Variants in LRRC43 observed in about 807,000 individuals in gnomAD.
LRRC43 encodes leucine-rich repeat-containing protein 43.
A neutral mutation model predicts 64.3 loss-of-function variants in LRRC43; 62 were observed. The ratio of observed to expected loss-of-function variants is 0.96; its 90% CI spans 0.79 to 1.19. The LOEUF (loss-of-function observed/expected upper bound fraction) is 1.19, where lower values mean the gene tolerates loss of function less well. Among genes scored for constraint, LRRC43 ranks in the 50% most tolerant of loss-of-function variants. LRRC43 has a pLI of 0.00. For synonymous variants in LRRC43, 422 were observed against 382.3 expected, an observed-to-expected ratio of 1.10 and a Z score of -1.21; for missense variants, 868 against 845.0, an observed-to-expected ratio of 1.03 and a Z score of -0.34.
In LRRC43 at chr12:122,200,184, C is replaced by T. The variant is rs940026716; in HGVS notation, c.1350-5C>T. 1.2e-6 allele frequency: 2 copies of T among 1,612,650 alleles called. No homozygotes were observed. The highest frequency in any genetic ancestry group is 1.7e-6 in the Non-Finnish European group (2 of 1,179,282). ...CACCCCCGTCTTCATCCCTCCCTCC[C>T]CAAGGACTGTCCTCTTCAGCACTGC... is the stretch of plus-strand genomic sequence containing the variant. On this transcript the variant is annotated splice_region_variant and splice_polypyrimidine_tract_variant and intron_variant, in intron 7 of 11. Transcript: ENST00000339777. The surrounding 1 kb of genome is among the most constrained non-coding windows in gnomAD (Gnocchi z 4.6).
intron 1 of LRRC43, among the ~76,000 whole-genome samples, chr12:122,169,582 G>A (rs901103832): frequency 1.3e-5 from 2 of 151,856 alleles, no homozygotes; most frequent in Non-Finnish European, 2.9e-5. Context: ...CGGGCGTGGT[G>A]GCGGGCGCCT....
At chr12:122,189,709 C>CCCACTCCTGCCCTGT (rs895142697) in intron 4 of LRRC43, among the ~76,000 whole-genome samples, 29 of 152,300 alleles carry the variant, frequency 1.9e-4, no homozygotes, top group South Asian at 8.3e-4. Flanking sequence ...CAGCATCAAC[C>CCCACTCCTGCCCTGT]CCACTCCTGC....
intron 5 of LRRC43, among the ~76,000 whole-genome samples, chr12:122,191,144 A>G (rs1367348106): frequency 6.6e-6 from 1 of 152,142 alleles, no homozygotes; most frequent in Non-Finnish European, 1.5e-5. Flanking sequence ...CCTGCAGAGT[A>G]GCCCTTATCA....
At chr12:122,177,341 A>C (rs57101087) in intron 1 of LRRC43, among the ~76,000 whole-genome samples, 6,839 of 152,126 alleles carry the variant, frequency 0.045, 231 homozygotes, top group African/African-American at 0.099. Flanking sequence ...ATAACCACTG[A>C]GCTTGGAAGA....
intron 1 of LRRC43, among the ~76,000 whole-genome samples, chr12:122,174,716 G>C (rs1054950922): frequency 2.0e-5 from 3 of 152,134 alleles, no homozygotes; most frequent in Non-Finnish European, 4.4e-5. Flanking sequence ...CGGGTCGAAG[G>C]CTTCATCTCA....
intron 7 of LRRC43, among the ~76,000 whole-genome samples, chr12:122,193,549 C>G (rs1398600633): frequency 1.3e-5 from 2 of 152,086 alleles, no homozygotes; most frequent in African/African-American, 4.8e-5. Context: ...CCTGACCAGC[C>G]AAGATTTTCG....
rs778877567 is a variant in LRRC43 at position 122,172,524 on chromosome 12, G to A, written c.-406+4742G>A. On this transcript the variant is annotated intron_variant, in intron 1 of 5. Coordinates refer to the LRRC43 transcript ENST00000537729. The stretch of plus-strand genomic sequence containing the variant: ...GAAGCGTTTACATTCATGGGTGTCT[G>A]TTGGCACAGAAATGTTTGTTTCTGG... The A allele has an allele frequency of 6.8e-6, 11 of 1,614,046 alleles. No individual in the cohort carries two copies. Among genetic ancestry groups the A allele is most frequent in the Non-Finnish European group, 9.3e-6 (11 of 1,179,974 alleles).
At chr12:122,190,444 G>A in intron 5 of LRRC43, 76 bp downstream of exon 5, 1 of 1,205,144 alleles carries the variant, frequency 8.3e-7, no homozygotes, top group Admixed American at 1.8e-5. Context: ...CGCCCTCCTG[G>A]GTCCGTGTAC....
intron 6 of LRRC43, among the ~76,000 whole-genome samples, chr12:122,192,374 G>T (rs1197214089): frequency 6.6e-6 from 1 of 150,986 alleles, no homozygotes; most frequent in African/African-American, 2.4e-5. Context: ...CTGACCTCGT[G>T]ATCCGCCTGC....
chr12:122,187,749 GCCCA>G lies in LRRC43; in HGVS notation c.579_582del (p.Gly196CysfsTer6), dbSNP rs1484654434. 6.2e-7 allele frequency: 1 copy of G among 1,614,022 alleles called. No individual in the cohort carries two copies. The highest frequency in any genetic ancestry group is 1.7e-5 in the Admixed American group (1 of 60,018). ...GATCAGCAGCATGGAGTGTCTGTGT[GCCCA>G]CCCACCCGCCGGCCTGCAGCACTTG... On this transcript the variant is annotated frameshift_variant, in exon 4 of 12. Coordinates refer to ENST00000339777, the MANE Select transcript of LRRC43 (RefSeq NM_001098519.2). LOFTEE classifies it high-confidence loss of function.
upstream of LRRC43, among the ~76,000 whole-genome samples, chr12:122,181,897 C>T (rs118188550): frequency 0.048 from 7,230 of 151,658 alleles, 212 homozygotes; most frequent in Non-Finnish European, 0.071. Flanking sequence ...TGAGCCATCG[C>T]GCCCAGCCTA....
intron 4 of LRRC43, chr12:122,189,540 C>T (rs1953688741): frequency 4.4e-6 from 2 of 456,032 alleles, no homozygotes; most frequent in Non-Finnish European, 8.8e-6. Flanking sequence ...TGCCCCTGCC[C>T]TGTGTCTTGG....
Position 122,172,596 on chromosome 12 carries a change from A to G in LRRC43, c.-406+4814A>G, listed in dbSNP as rs1308576486. 1 of 1,614,068 alleles carries G rather than the reference A, an allele frequency of 6.2e-7. No individual in the cohort carries two copies. Among genetic ancestry groups the G allele is most frequent in the Non-Finnish European group, 8.5e-7 (1 of 1,180,032 alleles). ...GTCGAGGTGCTCTATGATCTCATCA[A>G]TAACAGATTTGTTGTCTAGCTGTCT... is the stretch of plus-strand genomic sequence containing the variant. On this transcript the variant is annotated intron_variant, in intron 1 of 5. Transcript: ENST00000537729.
In LRRC43 at chr12:122,187,724, G is replaced by C; in HGVS notation, c.546G>C (p.Glu182Asp). ...TLKVLELYGN[E>D]ISSMECLCAH... ...AGGTGCTGGAGCTCTACGGCAATGA[G>C]ATCAGCAGCATGGAGTGTCTGTGTG... Residue 182 changes from glutamate (E) to aspartate (D), a missense_variant, in exon 4 of 12, where the codon GAG (glutamate) becomes GAC (aspartate). Physicochemically the swap from Glu to Asp is conservative, Grantham distance 45. Coordinates refer to ENST00000339777, the MANE Select transcript of LRRC43 (RefSeq NM_001098519.2). 1.2e-6 allele frequency: 2 copies of C among 1,613,914 alleles called. No homozygotes were observed. The highest frequency in any genetic ancestry group is 1.7e-6 in the Non-Finnish European group (2 of 1,180,036).
chr12:122,186,849 G>A (rs756371775), intron 3 of LRRC43, among the ~76,000 whole-genome samples: 1 of 152,180 alleles, frequency 6.6e-6, no homozygotes, highest in Non-Finnish European at 1.5e-5. Flanking sequence ...AACCCAGGAG[G>A]CAAGGGTTGC....
chr12:122,171,416 G>C (rs1251367566), intron 1 of LRRC43, among the ~76,000 whole-genome samples: 3 of 152,196 alleles, frequency 2.0e-5, no homozygotes, highest in Non-Finnish European at 2.9e-5. Context: ...TCTCTGGAGT[G>C]AGTGGTGCTG....
At chr12:122,192,206 C>T (rs1473663885) in intron 6 of LRRC43, among the ~76,000 whole-genome samples, 5 of 152,116 alleles carry the variant, frequency 3.3e-5, no homozygotes, top group Admixed American at 6.5e-5. Context: ...GGCGCAATCT[C>T]GGCTGACTGC....
In LRRC43 at chr12:122,184,661, T is replaced by C; in HGVS notation, c.293T>C (p.Leu98Pro). 6.2e-7 allele frequency: 1 copy of C among 1,614,014 alleles called. No individual in the cohort carries two copies. The highest frequency in any genetic ancestry group is 1.3e-5 in the African/African-American group (1 of 75,046). ...VRSRHSPWAL[L>P]NNSNAEDSFL... Reference sequence around the variant, plus strand: ...AGCCGCCACTCCCCCTGGGCTCTGCTGAACAACTCGAATGCAGAAGACAGT... The same window carrying C: ...AGCCGCCACTCCCCCTGGGCTCTGCCGAACAACTCGAATGCAGAAGACAGT... The change falls in exon 2 of 12, where the codon CTG becomes CCG. Residue 98 changes from leucine (L) to proline (P), a missense_variant. Transcript: ENST00000339777. The surrounding 1 kb of genome is among the most constrained non-coding windows in gnomAD (Gnocchi z 4.0).
chr12:122,198,466 T>C (rs1953793797), intron 7 of LRRC43, among the ~76,000 whole-genome samples: 1 of 152,070 alleles, frequency 6.6e-6, no homozygotes, highest in South Asian at 2.1e-4. Context: ...AAGGCAACCA[T>C]TAAAGTACTT....
Sources: allele counts gnomAD v4.1 joint callset (sites outside exome capture counted in the v4.1 genomes callset), GRCh38; gene constraint gnomAD v4.1.1; non-coding constraint Gnocchi (gnomAD v3.1); transcripts MANE v1.5; gene names NCBI Gene and HGNC (gene_info 2026-07-23, HGNC 2026-07-21).